EXPH5: variants seen among roughly 807,000 people sequenced by gnomAD.
EXPH5 encodes exophilin 5.
A neutral mutation model predicts 41.1 loss-of-function variants in EXPH5; 42 were observed. That is an observed-to-expected ratio of 1.02 (90% confidence interval 0.80 to 1.32). EXPH5 has a LOEUF of 1.32. Ranked by LOEUF, EXPH5 falls within the 40% of genes most tolerant of loss-of-function variation. The pLI, the probability that EXPH5 is intolerant of heterozygous loss-of-function variation, is 0.00. For synonymous variants in EXPH5, 798 were observed against 833.5 expected, an observed-to-expected ratio of 0.96 and a Z score of 0.73; for missense variants, 2,298 against 2,314.5, an observed-to-expected ratio of 0.99 and a Z score of 0.15.
chr11:108,529,105 C>T (rs933873444), intron 3 of EXPH5, among the ~76,000 whole-genome samples: 13 of 150,432 alleles, frequency 8.6e-5, no homozygotes, highest in South Asian at 4.2e-4. Context: ...AATTAAGTAA[C>T]GACCAGATTT....
Position 108,558,672 on chromosome 11 carries a change from T to C in EXPH5, c.120-16860A>G, listed in dbSNP as rs372441934. The stretch of plus-strand genomic sequence containing the variant: ...ACAGAAAAGGACACATGATTCCAGA[T>C]TCCAACTGACAATAACTTTATAGAA... On this transcript the variant is annotated intron_variant, in intron 1 of 5. Transcript: ENST00000265843. Among the ~76,000 whole-genome samples the C allele has an allele frequency of 8.5e-5, 13 of 152,352 alleles. No homozygotes were observed. The East Asian group carries it at 1.9e-3, about 23-fold the overall frequency.
At chr11:108,601,731 C>CTTTCT in the EXPH5 span, among the ~76,000 whole-genome samples, 2 of 147,138 alleles carry the variant, frequency 1.4e-5, no homozygotes, top group East Asian at 1.9e-4. Context: ...TTTTTTCTTT[C>CTTTCT]TTTCTTTTCT....
At chr11:108,569,159 T>C (rs754317404) in intron 1 of EXPH5, among the ~76,000 whole-genome samples, 4 of 152,116 alleles carry the variant, frequency 2.6e-5, no homozygotes, top group Non-Finnish European at 2.9e-5. Flanking sequence ...TTCACTCCAC[T>C]TGCTGTTCAC....
intron 1 of EXPH5, among the ~76,000 whole-genome samples, chr11:108,582,572 A>G (rs976210323): frequency 6.6e-6 from 1 of 152,202 alleles, no homozygotes; most frequent in South Asian, 2.1e-4. Context: ...GTGAAATCAT[A>G]TAAAAAGAAT....
At chr11:108,574,536 G>C (rs2094073797) in intron 1 of EXPH5, among the ~76,000 whole-genome samples, 1 of 152,074 alleles carries the variant, frequency 6.6e-6, no homozygotes, top group African/African-American at 2.4e-5. Flanking sequence ...AAATCAATAA[G>C]ACACAAACCA....
Position 108,513,647 on chromosome 11 carries a change from A to T in EXPH5, c.1860T>A (p.Ala620=). Reference sequence around the variant, plus strand: ...TTTTGAATGAGGATGCTAGAGTCTGAGCAATTCCAAATGAGGAAGCTTCTT... The same window carrying T: ...TTTTGAATGAGGATGCTAGAGTCTGTGCAATTCCAAATGAGGAAGCTTCTT... ...INKEASSFGI[A]QTLASSFKTS... Residue 620 remains alanine, a synonymous_variant, in exon 6 of 6, where the codon GCT becomes GCA. Coordinates refer to ENST00000265843, the MANE Select transcript of EXPH5 (RefSeq NM_015065.3). The T allele has an allele frequency of 1.2e-6, 2 of 1,611,982 alleles. No homozygotes were observed. The highest frequency in any genetic ancestry group is 1.7e-6 in the Non-Finnish European group (2 of 1,179,242).
At chr11:108,581,245 A>G (rs1467313741) in intron 1 of EXPH5, among the ~76,000 whole-genome samples, 1 of 152,146 alleles carries the variant, frequency 6.6e-6, no homozygotes, top group Non-Finnish European at 1.5e-5. Context: ...TGGAGGTTGC[A>G]GTGAGCCCAG....
chr11:108,528,621 T>G (rs906359099), intron 3 of EXPH5, among the ~76,000 whole-genome samples: 7 of 152,024 alleles, frequency 4.6e-5, no homozygotes, highest in African/African-American at 1.7e-4. Flanking sequence ...GAATACATAG[T>G]TAGTTGCTGA....
the EXPH5 span, among the ~76,000 whole-genome samples, chr11:108,599,891 G>T: frequency 6.6e-6 from 1 of 152,214 alleles, no homozygotes; most frequent in African/African-American, 2.4e-5. Flanking sequence ...GGAATGCCAT[G>T]CCTGCTCTCA....
chr11:108,603,116 G>A, the EXPH5 span, among the ~76,000 whole-genome samples: 4 of 152,110 alleles, frequency 2.6e-5, no homozygotes, highest in East Asian at 1.9e-4. Context: ...CTTCTGCCAC[G>A]ATTGTGAGTT....
rs1403353346 is a variant in EXPH5 at position 108,511,158 on chromosome 11, CT to C, written c.4348del (p.Ser1450ValfsTer23). On this transcript the variant is annotated frameshift_variant, in exon 6 of 6. Transcript: ENST00000265843. LOFTEE classifies it low-confidence loss of function (END_TRUNC). ...TRRSSWECTG[S>X]GRAIPFTGSG... ...TCCAGTAAATGGAATGGCTCTACCA[CT>C]CCCTGTACACTCCCAAGAACTTCTT... is the stretch of plus-strand genomic sequence containing the variant. 1 of 1,613,132 alleles carries C rather than the reference CT, an allele frequency of 6.2e-7. No homozygotes were observed.
At chr11:108,542,692 A>C (rs1320512437) in intron 1 of EXPH5, among the ~76,000 whole-genome samples, 1 of 152,168 alleles carries the variant, frequency 6.6e-6, no homozygotes, top group Non-Finnish European at 1.5e-5. Context: ...TGCAGAAAAG[A>C]AATTATTGAA....
chr11:108,574,198 C>T (rs193301689), intron 1 of EXPH5, among the ~76,000 whole-genome samples: 21 of 151,884 alleles, frequency 1.4e-4, no homozygotes, highest in South Asian at 1.2e-3. Context: ...CGTGAGCCAC[C>T]GCGCCCAACC....
intron 1 of EXPH5, among the ~76,000 whole-genome samples, chr11:108,557,944 T>C (rs1188110517): frequency 2.0e-5 from 3 of 152,050 alleles, no homozygotes; most frequent in Admixed American, 2.0e-4. Flanking sequence ...TCCCACTTTT[T>C]ATTTTTTATT....
intron 1 of EXPH5, among the ~76,000 whole-genome samples, chr11:108,572,203 C>T (rs1484683404): frequency 6.6e-6 from 1 of 152,208 alleles, no homozygotes; most frequent in East Asian, 1.9e-4. Flanking sequence ...ACCAAGTGCG[C>T]AGTGAAACAA....
intron 1 of EXPH5, among the ~76,000 whole-genome samples, chr11:108,555,766 A>G (rs2082310294): frequency 6.6e-6 from 1 of 152,058 alleles, no homozygotes; most frequent in African/African-American, 2.4e-5. Context: ...TTCACTCGGC[A>G]CTTCTCTCTC....
In EXPH5 at chr11:108,512,701, T is replaced by C. The variant is rs773586440; in HGVS notation, c.2806A>G (p.Ile936Val). Residue 936 changes from isoleucine to valine, a missense_variant, in exon 6 of 6, where the codon ATT (isoleucine) becomes GTT (valine). Ile to Val is a conservative substitution (Grantham distance 29). Coordinates refer to ENST00000265843, the MANE Select transcript of EXPH5 (RefSeq NM_015065.3). Reference sequence around the variant, plus strand: ...TCTTGGTTTTCTGAGTGGCTTACAATAAACTGATTCTTTTGGTTCTTCCCA... The same window carrying C: ...TCTTGGTTTTCTGAGTGGCTTACAACAAACTGATTCTTTTGGTTCTTCCCA... ...NAGKNQKNQF[I>V]VSHSENQERN... 2.6e-5 allele frequency: 42 copies of C among 1,614,030 alleles called. No individual in the cohort carries two copies. The highest frequency in any genetic ancestry group is 3.4e-5 in the Non-Finnish European group (40 of 1,180,028).
intron 1 of EXPH5, among the ~76,000 whole-genome samples, chr11:108,543,651 T>G (rs1414082583): frequency 6.6e-6 from 1 of 152,142 alleles, no homozygotes; most frequent in African/African-American, 2.4e-5. Context: ...GTGGCAGATT[T>G]GGAGTTAAAA....
chr11:108,551,438 T>C (rs550124056), intron 1 of EXPH5, among the ~76,000 whole-genome samples: 4 of 152,334 alleles, frequency 2.6e-5, no homozygotes, highest in Admixed American at 2.6e-4. Flanking sequence ...CTCAGAATAG[T>C]TCCCTTTATC....
Sources: gnomAD v4.1 joint callset for allele counts (sites outside exome capture counted in the v4.1 genomes callset) on GRCh38, gnomAD v4.1.1 for gene constraint, MANE v1.5 for transcripts, NCBI Gene and HGNC (gene_info 2026-07-23, HGNC 2026-07-21) for gene names.